Variants in NAP1L1 observed in about 807,000 individuals in gnomAD.
NAP1L1 encodes the protein nucleosome assembly protein 1-like 1.
Under a neutral mutation model 58.9 loss-of-function variants are expected in NAP1L1, and 9 were observed. The ratio of observed to expected loss-of-function variants is 0.15; its 90% CI spans 0.09 to 0.27. The LOEUF (loss-of-function observed/expected upper bound fraction) is 0.27, where lower values mean the gene tolerates loss of function less well. NAP1L1 is among the 10% of genes least tolerant of loss of function. NAP1L1 has a pLI of 1.00. For missense variants in NAP1L1, 302 were observed against 458.8 expected, an observed-to-expected ratio of 0.66 and a Z score of 3.12; for synonymous variants, 130 against 138.3, an observed-to-expected ratio of 0.94 and a Z score of 0.42.
chr12:76,058,122 G>A (rs1289800042), intron 6 of NAP1L1: 3 of 718,356 alleles, frequency 4.2e-6, no homozygotes, highest in Middle Eastern at 4.0e-4. Context: ...TGGAGAAGAA[G>A]TGAATTTGAA....
intron 6 of NAP1L1, among the ~76,000 whole-genome samples, chr12:76,058,746 GTTGA>G (rs1227833105): frequency 6.6e-6 from 1 of 152,064 alleles, no homozygotes; most frequent in Non-Finnish European, 1.5e-5. Context: ...GACCATTTTT[GTTGA>G]TTATTTTACT....
chr12:76,039,434 G>C lies in NAP1L1; in HGVS notation c.*8995C>G, dbSNP rs1287558160. On this transcript the variant is annotated 3_prime_UTR_variant, in exon 15 of 15. Coordinates refer to ENST00000618691, the MANE Select transcript of NAP1L1 (RefSeq NM_004537.7). Reference sequence around the variant, plus strand: ...AGCTCCCATATCAGTCCCAGAGTCTGTCTAAGCCTAAGAGAAAAACCTATA... The same window carrying C: ...AGCTCCCATATCAGTCCCAGAGTCTCTCTAAGCCTAAGAGAAAAACCTATA... The C allele has an allele frequency of 6.6e-6, 1 of 152,152 alleles. No homozygotes were observed. Among genetic ancestry groups the C allele is most frequent in the Non-Finnish European group, 1.5e-5 (1 of 68,016 alleles). 9.4% of individuals were successfully genotyped at this position (152,152 alleles called of 1,614,324 possible). A position where few individuals can be genotyped will look rare whatever the true frequency, so the allele number is the denominator to read the frequency against.
At position 76,039,891 on chromosome 12, in the gene NAP1L1, CTA is replaced by C. The variant is rs1212199351; in HGVS notation, c.*8536_*8537del. ...AAACTGAAATCCCACTAGTTTAAAA[CTA>C]TACATGGAATAGCAATGAAGTTTTT... On this transcript the variant is annotated 3_prime_UTR_variant, in exon 15 of 15. Transcript: ENST00000618691. The C allele has an allele frequency of 6.6e-6, 1 of 152,192 alleles. No homozygotes were observed. Among genetic ancestry groups the C allele is most frequent in the Non-Finnish European group, 1.5e-5 (1 of 68,036 alleles). The allele number at this position is 152,192 out of a possible 1,614,324, so 9.4% of individuals were successfully genotyped here.
rs1201288033 is a variant in NAP1L1 at position 76,047,091 on chromosome 12, T to G, written c.*1338A>C. On this transcript the variant is annotated 3_prime_UTR_variant, in exon 15 of 15. Coordinates refer to ENST00000618691, the MANE Select transcript of NAP1L1 (RefSeq NM_004537.7). ...TTAACACCTTTGTTTTCCAGTTTAG[T>G]TATCAAAGCGTGGTGTGAACAAAAT... The G allele has an allele frequency of 1.3e-5, 2 of 152,476 alleles. No homozygotes were observed. The highest frequency in any genetic ancestry group is 2.9e-5 in the Non-Finnish European group (2 of 67,930). 9.4% of individuals were successfully genotyped at this position (152,476 alleles called of 1,614,324 possible). A position where few individuals can be genotyped will look rare whatever the true frequency, so the allele number is the denominator to read the frequency against.
At chr12:76,055,931 C>T (rs1592628725) in intron 7 of NAP1L1, 102 bp downstream of exon 7, 1 of 1,204,256 alleles carries the variant, frequency 8.3e-7, no homozygotes. Flanking sequence ...AGTAAGCAAT[C>T]ATTCTAGAAA....
rs146712240 is a variant in NAP1L1, at chr12:76,051,341, A to C, written c.937-688T>G. Among the ~76,000 whole-genome samples the C allele has an allele frequency of 1.6e-3, 245 of 151,804 alleles. 1 individual carries two copies. Among genetic ancestry groups the C allele is most frequent in the African/African-American group, 5.3e-3 (221 of 41,408 alleles). ...ACCAAATAGAAAAATAAAAAAAAAAACCCTTGGGTTATTGTTAATATATAG... is the reference window on the plus strand; with the variant it reads ...ACCAAATAGAAAAATAAAAAAAAAACCCCTTGGGTTATTGTTAATATATAG... On this transcript the variant is annotated intron_variant, in intron 11 of 14. Transcript: ENST00000618691.
chr12:76,056,080 A>T lies in NAP1L1; in HGVS notation c.511T>A (p.Trp171Arg). ...KEDPKGIPEF[W>R]LTVFKNVDLL... ...TCAACATTCTTAAAAACAGTTAACCAAAATTCAGGAATTCCTTTGGGGTCT... is the reference window on the plus strand; with the variant it reads ...TCAACATTCTTAAAAACAGTTAACCTAAATTCAGGAATTCCTTTGGGGTCT... The change falls in exon 7 of 15, where the codon TGG (tryptophan) becomes AGG (arginine). Residue 171 changes from tryptophan to arginine, a missense_variant. Coordinates refer to ENST00000618691, the MANE Select transcript of NAP1L1 (RefSeq NM_004537.7). The T allele has an allele frequency of 6.2e-7, 1 of 1,612,604 alleles. No individual in the cohort carries two copies. The highest frequency in any genetic ancestry group is 1.1e-5 in the South Asian group (1 of 90,986).
At chr12:76,058,345 T>C (rs1293374301) in intron 6 of NAP1L1, among the ~76,000 whole-genome samples, 1 of 151,152 alleles carries the variant, frequency 6.6e-6, no homozygotes, top group East Asian at 1.9e-4. Context: ...TGCTCATACA[T>C]GAACAGAATT....
intron 11 of NAP1L1, among the ~76,000 whole-genome samples, chr12:76,052,122 G>C (rs1050752399): frequency 6.6e-6 from 1 of 152,046 alleles, no homozygotes; most frequent in Non-Finnish European, 1.5e-5. Context: ...TGAATTCCAT[G>C]AATGTTTGAG....
At chr12:76,054,466 T>C (rs1385512907) in intron 8 of NAP1L1, among the ~76,000 whole-genome samples, 1 of 152,206 alleles carries the variant, frequency 6.6e-6, no homozygotes, top group Non-Finnish European at 1.5e-5. Context: ...TATTAAATAA[T>C]TAACATGTTT....
intron 11 of NAP1L1, among the ~76,000 whole-genome samples, chr12:76,051,754 C>T (rs1490265537): frequency 1.3e-5 from 2 of 152,176 alleles, no homozygotes; most frequent in Admixed American, 6.5e-5. Context: ...CTGGCTCATG[C>T]CTGTAATCCC....
In NAP1L1 at chr12:76,048,343, T is replaced by C; in HGVS notation, c.*86A>G. ...AAAATTACCTAGTCTACCAAGAAAATACAAAAACATAAGGCTGTAAGTAAA... is the reference window on the plus strand; with the variant it reads ...AAAATTACCTAGTCTACCAAGAAAACACAAAAACATAAGGCTGTAAGTAAA... On this transcript the variant is annotated 3_prime_UTR_variant, in exon 15 of 15. Transcript: ENST00000618691. 1 of 1,486,032 alleles carries C rather than the reference T, an allele frequency of 6.7e-7. No homozygotes were observed. Among genetic ancestry groups the C allele is most frequent in the Non-Finnish European group, 9.2e-7 (1 of 1,086,630 alleles). 92.1% of individuals were successfully genotyped at this position (1,486,032 alleles called of 1,614,324 possible). A position where few individuals can be genotyped will look rare whatever the true frequency, so the allele number is the denominator to read the frequency against.
chr12:76,051,130 A>C (rs1270300124), intron 11 of NAP1L1, among the ~76,000 whole-genome samples: 3 of 152,120 alleles, frequency 2.0e-5, no homozygotes, highest in East Asian at 3.9e-4. Context: ...TGTCATTTTT[A>C]AATTTCCTTA....
chr12:76,058,135 T>G, intron 6 of NAP1L1: 3 of 698,002 alleles, frequency 4.3e-6, no homozygotes, highest in Non-Finnish European at 8.2e-6. Context: ...AATTTGAAAA[T>G]TTGTCTGTAG....
rs369428923 is a variant in NAP1L1 at position 76,070,269 on chromosome 12, T to C, written c.18-1275A>G. ...TCCTGAATAGCTGGGACTACAGGAG[T>C]GCGCCACTGCACCTGGCTAATTTCT... On this transcript the variant is annotated intron_variant, in intron 2 of 14. Coordinates refer to ENST00000618691, the MANE Select transcript of NAP1L1 (RefSeq NM_004537.7). Among the ~76,000 whole-genome samples, 8 of 151,980 alleles carry C rather than the reference T, an allele frequency of 5.3e-5. No individual in the cohort carries two copies. In the East Asian group the frequency reaches 1.4e-3, roughly 26 times the overall value.
chr12:76,072,314 A>C (rs923753439), intron 2 of NAP1L1, among the ~76,000 whole-genome samples: 11 of 151,538 alleles, frequency 7.3e-5, no homozygotes, highest in African/African-American at 2.7e-4. Flanking sequence ...AAAAAAAAAA[A>C]ACAAAAAAAC....
At position 76,048,280 on chromosome 12, in the gene NAP1L1, A is replaced by G. The variant is rs1180947503; in HGVS notation, c.*149T>C. ...CTAGTTAAAATGCTAGGTAGAACAA[A>G]TTGGTCTTTAAAATATCAGTTTCCT... is the stretch of plus-strand genomic sequence containing the variant. On this transcript the variant is annotated 3_prime_UTR_variant, in exon 15 of 15. Coordinates refer to ENST00000618691, the MANE Select transcript of NAP1L1 (RefSeq NM_004537.7). 6.5e-6 allele frequency: 5 copies of G among 775,176 alleles called. No individual in the cohort carries two copies. Among genetic ancestry groups the G allele is most frequent in the Non-Finnish European group, 1.0e-5 (5 of 487,446 alleles). 48.0% of individuals were successfully genotyped at this position (775,176 alleles called of 1,614,324 possible).
chr12:76,058,951 G>A (rs1949275373), intron 6 of NAP1L1, among the ~76,000 whole-genome samples: 1 of 152,144 alleles, frequency 6.6e-6, no homozygotes, highest in Non-Finnish European at 1.5e-5. Context: ...AGTTGTTGGA[G>A]CTATTCTGGA....
chr12:76,049,466 C>T, intron 13 of NAP1L1: 1 of 1,535,654 alleles, frequency 6.5e-7, no homozygotes, highest in Non-Finnish European at 8.7e-7. Context: ...AAAATAGTTA[C>T]TGCAGCCAAC....
Sources: gnomAD v4.1 joint callset for allele counts (sites outside exome capture counted in the v4.1 genomes callset) on GRCh38, gnomAD v4.1.1 for gene constraint, MANE v1.5 for transcripts, NCBI Gene and HGNC (gene_info 2026-07-23, HGNC 2026-07-21) for gene names.